The following ADGRB3 variants were observed in gnomAD, a reference collection of about 807,000 sequenced individuals.
ADGRB3 encodes the protein brain-specific angiogenesis inhibitor 3.
A neutral mutation model predicts 193.4 loss-of-function variants in ADGRB3; 37 were observed. The ratio of observed to expected loss-of-function variants is 0.19; its 90% CI spans 0.15 to 0.25. The LOEUF is 0.25. ADGRB3 is among the 10% of genes least tolerant of loss of function. The pLI is 1.00. For synonymous variants in ADGRB3, 690 were observed against 644.2 expected, an observed-to-expected ratio of 1.07 and a Z score of -1.08; for missense variants, 1,637 against 1,852.9, an observed-to-expected ratio of 0.88 and a Z score of 2.14.
intron 3 of ADGRB3, among the ~76,000 whole-genome samples, chr6:68,856,170 C>T (rs1764981768): frequency 6.6e-6 from 1 of 152,138 alleles, no homozygotes; most frequent in Non-Finnish European, 1.5e-5. Flanking sequence ...TCCATTAACC[C>T]TCTTTCTTTT....
chr6:69,254,917 C>A (rs1766720202), intron 20 of ADGRB3, among the ~76,000 whole-genome samples: 1 of 139,416 alleles, frequency 7.2e-6, no homozygotes, highest in Non-Finnish European at 1.5e-5. Context: ...TCCATGTGTT[C>A]TCATTGTTCA....
At position 69,073,299 on chromosome 6, in the gene ADGRB3, C is replaced by T. The variant is rs554302960; in HGVS notation, c.2437-2696C>T. On this transcript the variant is annotated intron_variant, in intron 16 of 31. Coordinates refer to ENST00000370598, the MANE Select transcript of ADGRB3 (RefSeq NM_001704.3). The stretch of plus-strand genomic sequence containing the variant: ...AAGCTGCAGGGAGGTAAGAAGTGCC[C>T]GGCAGGAGAGGCTCCAAGAGATGTG... Among the ~76,000 whole-genome samples, 12 of 152,096 alleles carry T rather than the reference C, an allele frequency of 7.9e-5. No homozygotes were observed. In the East Asian group the frequency reaches 9.7e-4, roughly 12 times the overall value.
chr6:69,271,701 C>T (rs1767184090), intron 20 of ADGRB3, among the ~76,000 whole-genome samples: 2 of 152,096 alleles, frequency 1.3e-5, no homozygotes, highest in Middle Eastern at 3.2e-3. Flanking sequence ...CTCTTTCTCC[C>T]TCTCTGTATC....
chr6:69,385,071 T>G (rs75724597), intron 31 of ADGRB3, among the ~76,000 whole-genome samples: 1 of 151,592 alleles, frequency 6.6e-6, no homozygotes, highest in Non-Finnish European at 1.5e-5. Context: ...CAAAAAACCA[T>G]TTAGTCCATT....
chr6:68,952,131 C>T (rs866467393), intron 6 of ADGRB3, among the ~76,000 whole-genome samples: 1 of 151,890 alleles, frequency 6.6e-6, no homozygotes, highest in Non-Finnish European at 1.5e-5. Context: ...TTAATTTCTA[C>T]CCCCCCAAAG....
chr6:68,971,019 AT>A (rs1204196737), intron 8 of ADGRB3, among the ~76,000 whole-genome samples: 5 of 152,168 alleles, frequency 3.3e-5, no homozygotes, highest in Non-Finnish European at 5.9e-5. Context: ...TTCACCTGAG[AT>A]TTCTTTGGAA....
intron 8 of ADGRB3, among the ~76,000 whole-genome samples, chr6:68,964,831 G>A (rs1164422237): frequency 6.6e-6 from 1 of 152,064 alleles, no homozygotes; most frequent in East Asian, 1.9e-4. Flanking sequence ...AAAGTTCATG[G>A]TTTGCTAACT....
chr6:68,701,133 A>G (rs1022383377), intron 3 of ADGRB3, among the ~76,000 whole-genome samples: 6 of 149,492 alleles, frequency 4.0e-5, no homozygotes, highest in Non-Finnish European at 8.9e-5. Flanking sequence ...GCACTTCAAA[A>G]TGATTAGAAT....
chr6:69,183,468 A>G (rs938091598), intron 17 of ADGRB3, among the ~76,000 whole-genome samples: 1 of 152,012 alleles, frequency 6.6e-6, no homozygotes, highest in Non-Finnish European at 1.5e-5. Context: ...ATTCTTTCAA[A>G]TTGGAATTCC....
At chr6:68,998,709 GA>G (rs548197101) in intron 11 of ADGRB3, among the ~76,000 whole-genome samples, 1 of 152,078 alleles carries the variant, frequency 6.6e-6, no homozygotes, top group Non-Finnish European at 1.5e-5. Flanking sequence ...AGTAAAAAGA[GA>G]AAAAACAAAG....
intron 3 of ADGRB3, among the ~76,000 whole-genome samples, chr6:68,826,571 C>T (rs1169933524): frequency 6.6e-6 from 1 of 152,094 alleles, no homozygotes; most frequent in Non-Finnish European, 1.5e-5. Flanking sequence ...GAAGTGATGT[C>T]ATCTGACTTA....
At chr6:68,756,581 T>G (rs1177925613) in intron 3 of ADGRB3, among the ~76,000 whole-genome samples, 3 of 152,166 alleles carry the variant, frequency 2.0e-5, no homozygotes, top group Admixed American at 6.6e-5. Context: ...CTCACTTTAC[T>G]GCAGGCTATA....
intron 20 of ADGRB3, among the ~76,000 whole-genome samples, chr6:69,272,971 G>T (rs897028551): frequency 1.3e-5 from 2 of 152,112 alleles, no homozygotes; most frequent in African/African-American, 4.8e-5. Context: ...CGTGATCTCT[G>T]CTCACTGCAA....
intron 20 of ADGRB3, among the ~76,000 whole-genome samples, chr6:69,306,316 A>G (rs1023122685): frequency 6.6e-6 from 1 of 151,494 alleles, no homozygotes; most frequent in African/African-American, 2.4e-5. Context: ...TTAAAAATCA[A>G]GACCACTAAC....
Position 69,178,135 on chromosome 6 carries a change from T to A in ADGRB3, c.2481-55155T>A, listed in dbSNP as rs778466136. Among the ~76,000 whole-genome samples, 57 of 152,212 alleles carry A rather than the reference T, an allele frequency of 3.7e-4. 1 individual carries two copies. The highest frequency in any genetic ancestry group is 4.4e-5 in the Non-Finnish European group (3 of 68,040). ...GCTCCAATGTGGTATGCATATATAC[T>A]TGGAATATATGCATCTTTTGTTGAA... is the stretch of plus-strand genomic sequence containing the variant. On this transcript the variant is annotated intron_variant, in intron 17 of 31. Transcript: ENST00000370598.
chr6:68,737,333 A>G (rs1375133055), intron 3 of ADGRB3, among the ~76,000 whole-genome samples: 1 of 152,128 alleles, frequency 6.6e-6, no homozygotes, highest in Non-Finnish European at 1.5e-5. Context: ...CATTTATTTA[A>G]TTACTAGTGA....
intron 3 of ADGRB3, among the ~76,000 whole-genome samples, chr6:68,750,856 T>C (rs747178653): frequency 6.6e-6 from 1 of 152,224 alleles, no homozygotes; most frequent in Non-Finnish European, 1.5e-5. Context: ...ACAACCATTG[T>C]CTAAGTTACA....
At chr6:69,260,560 C>G (rs1766901709) in intron 20 of ADGRB3, among the ~76,000 whole-genome samples, 1 of 152,130 alleles carries the variant, frequency 6.6e-6, no homozygotes, top group African/African-American at 2.4e-5. Flanking sequence ...TTGGGCACGT[C>G]TTCTAGCCTG....
intron 3 of ADGRB3, among the ~76,000 whole-genome samples, chr6:68,888,576 T>C (rs944399811): frequency 0.015 from 1,613 of 110,360 alleles, 10 homozygotes; most frequent in Middle Eastern, 0.042. Flanking sequence ...CACACACACA[T>C]AAAAAAAACT....
Sources: allele counts gnomAD v4.1 joint callset (sites outside exome capture counted in the v4.1 genomes callset), GRCh38; gene constraint gnomAD v4.1.1; transcripts MANE v1.5; gene names NCBI Gene and HGNC (gene_info 2026-07-23, HGNC 2026-07-21).